The following CCDC68 variants were observed in gnomAD, a reference collection of about 807,000 sequenced individuals.
CCDC68 encodes coiled-coil domain containing 68, also known as coiled-coil domain-containing protein 68.
Under a neutral mutation model 47.1 loss-of-function variants are expected in CCDC68, and 45 were observed. That is an observed-to-expected ratio of 0.96 (90% CI 0.75 to 1.23). The LOEUF is 1.23. Among genes scored for constraint, CCDC68 ranks in the 50% most tolerant of loss-of-function variants. The pLI is 0.00. For missense variants in CCDC68, 353 were observed against 373.6 expected (o/e 0.94, Z 0.45); for synonymous variants, 131 against 129.5 (o/e 1.01, Z -0.08).
intron 8 of CCDC68, among the ~76,000 whole-genome samples, chr18:54,921,767 T>A (rs2044065002): frequency 6.6e-6 from 1 of 152,218 alleles, no homozygotes; most frequent in African/African-American, 2.4e-5. Flanking sequence ...CAAGCAACTA[T>A]GAAACTAAGA....
chr18:54,930,135 C>T (rs2044217207), intron 7 of CCDC68, among the ~76,000 whole-genome samples: 1 of 152,110 alleles, frequency 6.6e-6, no homozygotes, highest in Admixed American at 6.5e-5. Context: ...AAAATTTAAT[C>T]TAGTACTCCT....
chr18:54,951,647 C>A (rs1337026399), intron 1 of CCDC68, among the ~76,000 whole-genome samples: 2 of 152,140 alleles, frequency 1.3e-5, no homozygotes, highest in East Asian at 3.9e-4. Flanking sequence ...TTCTTGGGCC[C>A]AAGATAGCTT....
intron 7 of CCDC68, among the ~76,000 whole-genome samples, chr18:54,931,651 C>T (rs995937165): frequency 6.6e-6 from 1 of 152,108 alleles, no homozygotes; most frequent in African/African-American, 2.4e-5. Context: ...GGAGCTAAAT[C>T]AATGACACTA....
In CCDC68 at chr18:54,932,770, T is replaced by C. The variant is rs183193683; in HGVS notation, c.600+2050A>G. ...CAGGATCTGAGCCACTGAACCTTATTCTGGGGCATGCTCCTCTGCCTTTGA... is the reference window on the plus strand; with the variant it reads ...CAGGATCTGAGCCACTGAACCTTATCCTGGGGCATGCTCCTCTGCCTTTGA... On this transcript the variant is annotated intron_variant, in intron 7 of 11. Transcript: ENST00000591504. Among the ~76,000 whole-genome samples, 264 of 152,308 alleles carry C rather than the reference T, an allele frequency of 1.7e-3. 1 individual carries two copies. In the South Asian group the frequency reaches 0.025, roughly 14 times the overall value.
At chr18:54,953,371 C>T (rs1371988440) in intron 1 of CCDC68, among the ~76,000 whole-genome samples, 1 of 152,064 alleles carries the variant, frequency 6.6e-6, no homozygotes, top group Non-Finnish European at 1.5e-5. Context: ...CTAAAAAAAG[C>T]AATGCACAAC....
At chr18:54,952,357 A>T (rs1197817878) in intron 1 of CCDC68, among the ~76,000 whole-genome samples, 5 of 152,230 alleles carry the variant, frequency 3.3e-5, no homozygotes, top group Non-Finnish European at 7.3e-5. Context: ...AATTTATAAA[A>T]TACCTACAGT....
chr18:54,949,031 T>G (rs1599096161), intron 1 of CCDC68, among the ~76,000 whole-genome samples: 1 of 152,356 alleles, frequency 6.6e-6, no homozygotes, highest in Non-Finnish European at 1.5e-5. Context: ...TCTCACTCTC[T>G]TGCCCAGGTT....
At chr18:54,919,164 T>C in intron 9 of CCDC68, 107 bp downstream of exon 9, 2 of 815,616 alleles carry the variant, frequency 2.5e-6, no homozygotes, top group South Asian at 1.4e-5. Context: ...GATATGTCAG[T>C]AGGGAGAGAA....
At chr18:54,921,468 T>G (rs1319866395) in intron 8 of CCDC68, among the ~76,000 whole-genome samples, 1 of 152,194 alleles carries the variant, frequency 6.6e-6, no homozygotes, top group Non-Finnish European at 1.5e-5. Context: ...CTTCCAGGAC[T>G]CTAGAAAGAG....
At chr18:54,933,347 C>A (rs1015122935) in intron 7 of CCDC68, among the ~76,000 whole-genome samples, 5 of 152,146 alleles carry the variant, frequency 3.3e-5, no homozygotes, top group African/African-American at 1.2e-4. Flanking sequence ...TCCCAAAGTG[C>A]TGGGATTATA....
chr18:54,922,793 G>T (rs539797017), intron 8 of CCDC68, among the ~76,000 whole-genome samples: 1 of 152,076 alleles, frequency 6.6e-6, no homozygotes, highest in South Asian at 2.1e-4. Flanking sequence ...TTCGAGATCA[G>T]CCTGGCCAAC....
intron 10 of CCDC68, among the ~76,000 whole-genome samples, chr18:54,915,168 G>A (rs141199379): frequency 1.8e-4 from 27 of 152,330 alleles, no homozygotes; most frequent in Admixed American, 3.3e-4. Flanking sequence ...AATTAAAGCA[G>A]TAAGCTATTG....
chr18:54,946,013 C>T (rs1245042008), intron 1 of CCDC68, among the ~76,000 whole-genome samples: 4 of 152,072 alleles, frequency 2.6e-5, no homozygotes, highest in African/African-American at 4.8e-5. Context: ...ATGGTTCTTA[C>T]ATTTTTGAAT....
intron 6 of CCDC68, 79 bp downstream of exon 6, chr18:54,936,754 C>T: frequency 6.4e-7 from 1 of 1,561,108 alleles, no homozygotes; most frequent in Non-Finnish European, 8.8e-7. Context: ...TGTTTCATTT[C>T]TAACTCTTCT....
At chr18:54,935,746 C>T (rs2044333291) in intron 6 of CCDC68, among the ~76,000 whole-genome samples, 1 of 152,164 alleles carries the variant, frequency 6.6e-6, no homozygotes, top group South Asian at 2.1e-4. Context: ...AGGGTGTCAC[C>T]TAGGCAGTGA....
intron 8 of CCDC68, among the ~76,000 whole-genome samples, chr18:54,923,160 C>T (rs1436398885): frequency 6.6e-6 from 1 of 152,122 alleles, no homozygotes; most frequent in Non-Finnish European, 1.5e-5. Context: ...TCAGGACTTT[C>T]CCAGGAAGTA....
At chr18:54,929,618 G>T (rs1473021748) in intron 7 of CCDC68, among the ~76,000 whole-genome samples, 2 of 152,172 alleles carry the variant, frequency 1.3e-5, no homozygotes, top group African/African-American at 4.8e-5. Context: ...TGCCAAGTTG[G>T]AAAGAATCAA....
intron 1 of CCDC68, among the ~76,000 whole-genome samples, chr18:54,948,382 G>A (rs1236471588): frequency 6.6e-6 from 1 of 152,134 alleles, no homozygotes; most frequent in Non-Finnish European, 1.5e-5. Flanking sequence ...CCAGAAGCAG[G>A]GGAGAGGCAT....
rs1913780426 is a variant in CCDC68, at chr18:54,903,181, A to T, written c.*1177T>A. 1 of 152,174 alleles carries T rather than the reference A, an allele frequency of 6.6e-6. No individual in the cohort carries two copies. The highest frequency in any genetic ancestry group is 2.4e-5 in the African/African-American group (1 of 41,458). 9.4% of individuals were successfully genotyped at this position (152,174 alleles called of 1,614,324 possible). On this transcript the variant is annotated 3_prime_UTR_variant, in exon 12 of 12. Transcript: ENST00000591504. ...ACAACACTGATATTTCACATTCCAT[A>T]ATGAAAGAGTCAGCATCTTTTCTGA...
Sources: allele counts gnomAD v4.1 joint callset (sites outside exome capture counted in the v4.1 genomes callset), GRCh38; gene constraint gnomAD v4.1.1; transcripts MANE v1.5; gene names NCBI Gene and HGNC (gene_info 2026-07-23, HGNC 2026-07-21).